The following FGGY variants were observed in gnomAD, a reference collection of about 807,000 sequenced individuals.
The protein encoded by FGGY is FGGY carbohydrate kinase domain-containing protein.
Under a neutral mutation model 71.3 loss-of-function variants are expected in FGGY, and 72 were observed. The observed-to-expected ratio is 1.01, with a 90% confidence interval of 0.84 to 1.23. The LOEUF is 1.23. Among genes scored for constraint, FGGY ranks in the 50% most tolerant of loss-of-function variants. FGGY has a pLI of 0.00. For missense variants in FGGY, 668 were observed against 682.3 expected (o/e 0.98, Z 0.23); for synonymous variants, 251 against 250.3 (o/e 1.00, Z -0.02).
At chr1:59,359,368 CAAAAT>C (rs1356155311) in intron 4 of FGGY, among the ~76,000 whole-genome samples, 2 of 152,122 alleles carry the variant, frequency 1.3e-5, no homozygotes, top group Non-Finnish European at 2.9e-5. Flanking sequence ...AAGTTAGACT[CAAAAT>C]GAAAGAATCA....
chr1:59,611,136 T>C (rs898138214), intron 9 of FGGY, among the ~76,000 whole-genome samples: 2 of 152,182 alleles, frequency 1.3e-5, no homozygotes, highest in Admixed American at 6.5e-5. Flanking sequence ...CACTTAAACG[T>C]CCCTGTCTGA....
At chr1:59,714,367 A>G (rs909158146) in intron 14 of FGGY, among the ~76,000 whole-genome samples, 1 of 152,100 alleles carries the variant, frequency 6.6e-6, no homozygotes, top group East Asian at 1.9e-4. Flanking sequence ...TGGGACTTCA[A>G]AGACCTAGTG....
chr1:59,472,222 G>A (rs2092985387), intron 6 of FGGY, among the ~76,000 whole-genome samples: 1 of 152,162 alleles, frequency 6.6e-6, no homozygotes, highest in African/African-American at 2.4e-5. Flanking sequence ...CGCACTTGGA[G>A]CGGTCGGCCG....
intron 5 of FGGY, among the ~76,000 whole-genome samples, chr1:59,402,784 A>G (rs2062143600): frequency 6.6e-6 from 1 of 152,142 alleles, no homozygotes; most frequent in African/African-American, 2.4e-5. Context: ...GTGAGGGAGT[A>G]ACATTCCTTG....
chr1:59,615,893 A>G (rs2096747706), intron 9 of FGGY, among the ~76,000 whole-genome samples: 2 of 152,236 alleles, frequency 1.3e-5, no homozygotes, highest in Admixed American at 1.3e-4. Flanking sequence ...GACACATGAA[A>G]AAATGCTCAT....
chr1:59,370,747 A>C (rs971751325), intron 4 of FGGY, among the ~76,000 whole-genome samples: 2 of 151,554 alleles, frequency 1.3e-5, no homozygotes, highest in Non-Finnish European at 2.9e-5. Context: ...GTGGGGGCCA[A>C]TATTCAACAT....
intron 8 of FGGY, among the ~76,000 whole-genome samples, chr1:59,586,040 G>A (rs1273221567): frequency 1.3e-5 from 2 of 152,192 alleles, no homozygotes; most frequent in African/African-American, 4.8e-5. Context: ...GGAGAAATAG[G>A]AACACTTTTA....
chr1:59,410,293 G>A lies in FGGY; in HGVS notation c.554+31456G>A, dbSNP rs1193107712. Reference sequence around the variant, plus strand: ...CATATGTGAATATCTGTGTGTACTAGGCACGGTACTTGGTCTTTACACATG... The same window carrying A: ...CATATGTGAATATCTGTGTGTACTAAGCACGGTACTTGGTCTTTACACATG... On this transcript the variant is annotated intron_variant, in intron 5 of 15. Coordinates refer to ENST00000303721, the MANE Select transcript of FGGY (RefSeq NM_018291.5). 4.6e-5 allele frequency among the ~76,000 whole-genome samples: 7 copies of A among 152,258 alleles called. No individual in the cohort carries two copies. The South Asian group carries it at 1.2e-3, about 27-fold the overall frequency.
In FGGY at chr1:59,588,865, G is replaced by A. The variant is rs188095881; in HGVS notation, c.904-18938G>A. On this transcript the variant is annotated intron_variant, in intron 8 of 15. Coordinates refer to ENST00000303721, the MANE Select transcript of FGGY (RefSeq NM_018291.5). Reference sequence around the variant, plus strand: ...AAACTGTAAAGACCATCGAGGCTAGGAGGAAACTGCATCAACTAACGAGCA... The same window carrying A: ...AAACTGTAAAGACCATCGAGGCTAGAAGGAAACTGCATCAACTAACGAGCA... Among the ~76,000 whole-genome samples the A allele has an allele frequency of 2.3e-4, 35 of 152,330 alleles. No homozygotes were observed. The East Asian group carries it at 5.2e-3, about 23-fold the overall frequency.
At chr1:59,455,597 A>G (rs2091605631) in intron 5 of FGGY, among the ~76,000 whole-genome samples, 1 of 152,260 alleles carries the variant, frequency 6.6e-6, no homozygotes, top group South Asian at 2.1e-4. Flanking sequence ...AGAGATTGAC[A>G]TAAAATATTT....
At chr1:59,450,193 A>C (rs974273576) in intron 5 of FGGY, among the ~76,000 whole-genome samples, 2 of 152,162 alleles carry the variant, frequency 1.3e-5, no homozygotes, top group Non-Finnish European at 2.9e-5. Flanking sequence ...TTATCTCTAA[A>C]AAGTTTTACC....
chr1:59,663,177 G>A (rs755034617), intron 12 of FGGY, among the ~76,000 whole-genome samples: 4 of 152,184 alleles, frequency 2.6e-5, no homozygotes, highest in Non-Finnish European at 4.4e-5. Context: ...CCTGTAAGTA[G>A]GTGGGTTTGT....
chr1:59,362,149 T>G (rs1376142022), intron 4 of FGGY, among the ~76,000 whole-genome samples: 1 of 152,200 alleles, frequency 6.6e-6, no homozygotes, highest in Admixed American at 6.5e-5. Flanking sequence ...CACCCCATTC[T>G]TTTTGGTCTC....
chr1:59,715,694 G>C (rs925774743), intron 14 of FGGY, among the ~76,000 whole-genome samples: 1 of 152,138 alleles, frequency 6.6e-6, no homozygotes, highest in African/African-American at 2.4e-5. Context: ...CTATTCCATG[G>C]GTCCATTATA....
At chr1:59,533,065 C>G (rs201007291) in intron 7 of FGGY, among the ~76,000 whole-genome samples, 3 of 152,182 alleles carry the variant, frequency 2.0e-5, no homozygotes, top group Non-Finnish European at 2.9e-5. Flanking sequence ...ACACAGCAGA[C>G]GGTGATTTCT....
At position 59,730,343 on chromosome 1, in the gene FGGY, T is replaced by A. The variant is rs564237693; in HGVS notation, c.1513-27588T>A. Among the ~76,000 whole-genome samples, 249 of 150,712 alleles carry A rather than the reference T, an allele frequency of 1.7e-3. 9 individuals are homozygous for A. In the South Asian group the frequency reaches 0.052, roughly 31 times the overall value. ...TTTTTTGGAGTAAGGATGGGATAAA[T>A]GACTTAGACAGTTTTTACATGTTGG... On this transcript the variant is annotated intron_variant, in intron 14 of 15. Coordinates refer to ENST00000303721, the MANE Select transcript of FGGY (RefSeq NM_018291.5).
At chr1:59,501,514 A>G (rs983274689) in intron 6 of FGGY, among the ~76,000 whole-genome samples, 3 of 152,142 alleles carry the variant, frequency 2.0e-5, no homozygotes, top group African/African-American at 7.2e-5. Context: ...TGTATTTCCC[A>G]AGTTTTCCTT....
At position 59,388,171 on chromosome 1, in the gene FGGY, T is replaced by C. The variant is rs78057722; in HGVS notation, c.554+9334T>C. ...AGTTGGGGCAGGAAGGAAGACCCGA[T>C]TTGCCAACCCTATCTCAAGTCTAGC... On this transcript the variant is annotated intron_variant, in intron 5 of 15. Coordinates refer to ENST00000303721, the MANE Select transcript of FGGY (RefSeq NM_018291.5). 7.4e-3 allele frequency among the ~76,000 whole-genome samples: 1,125 copies of C among 152,128 alleles called. 56 individuals are homozygous for C. The East Asian group carries it at 0.11, about 15-fold the overall frequency.
At position 59,573,505 on chromosome 1, in the gene FGGY, T is replaced by C. The variant is rs150735154; in HGVS notation, c.903+19278T>C. Among the ~76,000 whole-genome samples, 499 of 152,294 alleles carry C rather than the reference T, an allele frequency of 3.3e-3. 4 individuals are homozygous for C. Among genetic ancestry groups the C allele is most frequent in the African/African-American group, 0.012 (482 of 41,578 alleles). Reference sequence around the variant, plus strand: ...ATGTATGTTCATATATATATGTTTATGAACAATATGTGAACAATATGTTTA... The same window carrying C: ...ATGTATGTTCATATATATATGTTTACGAACAATATGTGAACAATATGTTTA... On this transcript the variant is annotated intron_variant, in intron 8 of 15. Transcript: ENST00000303721.
Sources: gnomAD v4.1 joint callset for allele counts (sites outside exome capture counted in the v4.1 genomes callset) on GRCh38, gnomAD v4.1.1 for gene constraint, MANE v1.5 for transcripts, NCBI Gene and HGNC (gene_info 2026-07-23, HGNC 2026-07-21) for gene names.